The following AKAP7 variants were observed in gnomAD, a reference collection of about 807,000 sequenced individuals.
AKAP7 encodes A-kinase anchoring protein 7.
A neutral mutation model predicts 39.5 loss-of-function variants in AKAP7; 39 were observed. The observed-to-expected ratio is 0.99, with a 90% CI of 0.76 to 1.29. The LOEUF is 1.29. Ranked by LOEUF, AKAP7 falls within the 50% of genes most tolerant of loss-of-function variation. The probability of loss-of-function intolerance (pLI) is 0.00; values close to 1 mark genes in which losing one functional copy is unlikely to be tolerated. For synonymous variants in AKAP7, 140 were observed against 139.1 expected (o/e 1.01, Z -0.05); for missense variants, 414 against 407.7 (o/e 1.02, Z -0.13).
chr6:131,169,008 C>T (rs1175077714), intron 4 of AKAP7, 105 bp from the exon 5 acceptor site: 3 of 1,019,972 alleles, frequency 2.9e-6, no homozygotes, highest in Non-Finnish European at 4.2e-6. Flanking sequence ...ATAATTAGTA[C>T]AAATATCAAA....
At chr6:131,184,165 G>A (rs549411382) in intron 5 of AKAP7, among the ~76,000 whole-genome samples, 21 of 152,338 alleles carry the variant, frequency 1.4e-4, no homozygotes, top group African/African-American at 4.8e-4. Flanking sequence ...GGCCAGAGCT[G>A]CCACATCAGC....
chr6:131,154,468 GTTTTTTT>G (rs58715551), intron 2 of AKAP7, among the ~76,000 whole-genome samples: 3 of 112,542 alleles, frequency 2.7e-5, no homozygotes, highest in Non-Finnish European at 5.4e-5. Flanking sequence ...CCCTGTCCCT[GTTTTTTT>G]TTTTTTTTTT....
At chr6:131,203,181 T>C (rs1807769276) in intron 6 of AKAP7, among the ~76,000 whole-genome samples, 1 of 152,218 alleles carries the variant, frequency 6.6e-6, no homozygotes, top group South Asian at 2.1e-4. Context: ...ATTTCATTTA[T>C]TTACTTTACT....
intron 6 of AKAP7, among the ~76,000 whole-genome samples, chr6:131,201,342 C>T (rs113351177): frequency 0.12 from 18,302 of 152,084 alleles, 1,330 homozygotes; most frequent in Non-Finnish European, 0.15. Context: ...GAGTGGTGAT[C>T]AAAATAGAAA....
chr6:131,185,111 G>A, intron 5 of AKAP7: 1 of 643,822 alleles, frequency 1.6e-6, no homozygotes, highest in South Asian at 1.4e-5. Flanking sequence ...GCTTCCCCAG[G>A]GGGTCAGTGT....
chr6:131,232,683 C>G (rs1810725476), intron 7 of AKAP7, among the ~76,000 whole-genome samples: 2 of 152,046 alleles, frequency 1.3e-5, no homozygotes, highest in Non-Finnish European at 2.9e-5. Context: ...ATCCCAGCTA[C>G]TTGGGAGGCT....
chr6:131,246,430 A>T (rs1243336423), intron 7 of AKAP7, among the ~76,000 whole-genome samples: 1 of 152,202 alleles, frequency 6.6e-6, no homozygotes, highest in Non-Finnish European at 1.5e-5. Flanking sequence ...GTATCATATC[A>T]GATATTTTTC....
At chr6:131,215,998 A>G (rs183842997) in intron 6 of AKAP7, among the ~76,000 whole-genome samples, 48 of 152,352 alleles carry the variant, frequency 3.2e-4, no homozygotes, top group Admixed American at 1.8e-3. Flanking sequence ...CAAGCTTACT[A>G]TCAGTAGGAC....
At chr6:131,166,365 C>G (rs1328877487) in intron 4 of AKAP7, among the ~76,000 whole-genome samples, 2 of 152,112 alleles carry the variant, frequency 1.3e-5, no homozygotes, top group African/African-American at 2.4e-5. Flanking sequence ...GAGTAGTGCT[C>G]TGTGTGTGTT....
intron 6 of AKAP7, among the ~76,000 whole-genome samples, chr6:131,206,949 AT>A (rs1808164621): frequency 6.6e-6 from 1 of 152,108 alleles, no homozygotes; most frequent in African/African-American, 2.4e-5. Flanking sequence ...TCTTAAAGGA[AT>A]CCCTGTAGTA....
chr6:131,267,991 A>G (rs1421291406), intron 7 of AKAP7, among the ~76,000 whole-genome samples: 1 of 152,158 alleles, frequency 6.6e-6, no homozygotes, highest in Non-Finnish European at 1.5e-5. Flanking sequence ...GGGAAAGATG[A>G]AAGCATGGGA....
At chr6:131,229,425 T>G (rs993958605) in intron 7 of AKAP7, among the ~76,000 whole-genome samples, 1 of 152,212 alleles carries the variant, frequency 6.6e-6, no homozygotes, top group African/African-American at 2.4e-5. Context: ...CTTGGCTTAC[T>G]GCAACCTCCG....
At chr6:131,181,626 C>T (rs962814695) in intron 5 of AKAP7, among the ~76,000 whole-genome samples, 2 of 152,120 alleles carry the variant, frequency 1.3e-5, no homozygotes, top group Admixed American at 6.5e-5. Context: ...TTAAGATTCT[C>T]AGCTTCTTGA....
upstream of AKAP7, among the ~76,000 whole-genome samples, chr6:131,135,426 G>T (rs1379678237): frequency 4.0e-5 from 6 of 151,036 alleles, no homozygotes; most frequent in African/African-American, 1.5e-4. Context: ...CGCGCCTCTC[G>T]CCCGAATCCG....
At chr6:131,163,605 A>G (rs1000537377) in intron 3 of AKAP7, among the ~76,000 whole-genome samples, 3 of 152,206 alleles carry the variant, frequency 2.0e-5, no homozygotes, top group Non-Finnish European at 4.4e-5. Context: ...TTTTAAACAC[A>G]TTCTTAGAAG....
At position 131,152,554 on chromosome 6, in the gene AKAP7, G is replaced by A. The variant is rs144095203; in HGVS notation, c.151+7138G>A. On this transcript the variant is annotated intron_variant, in intron 2 of 7. Coordinates refer to ENST00000431975, the MANE Select transcript of AKAP7 (RefSeq NM_016377.4). ...GAGAGAAGAAATATTGGGGCCGGGC[G>A]TGGTGGCTCACGCCTGTAATCTCAG... Among the ~76,000 whole-genome samples, 593 of 152,280 alleles carry A rather than the reference G, an allele frequency of 3.9e-3. 3 individuals carry two copies. Among genetic ancestry groups the A allele is most frequent in the Non-Finnish European group, 6.2e-3 (425 of 68,016 alleles).
chr6:131,276,802 A>T (rs1242048469), intron 7 of AKAP7, among the ~76,000 whole-genome samples: 2 of 152,152 alleles, frequency 1.3e-5, no homozygotes, highest in African/African-American at 4.8e-5. Context: ...CCTTTTCCAA[A>T]AAATTAGCCT....
chr6:131,182,331 G>A (rs1387497196), intron 5 of AKAP7, among the ~76,000 whole-genome samples: 2 of 151,948 alleles, frequency 1.3e-5, no homozygotes, highest in Non-Finnish European at 2.9e-5. Context: ...GGCTTCTGGC[G>A]ACCACCATTC....
At chr6:131,254,451 T>A (rs1812687017) in intron 7 of AKAP7, among the ~76,000 whole-genome samples, 2 of 152,254 alleles carry the variant, frequency 1.3e-5, no homozygotes, top group African/African-American at 4.8e-5. Flanking sequence ...TCTATCTTAT[T>A]AAGCAAACCT....
Sources: allele counts gnomAD v4.1 joint callset (sites outside exome capture counted in the v4.1 genomes callset), GRCh38; gene constraint gnomAD v4.1.1; transcripts MANE v1.5; gene names NCBI Gene and HGNC (gene_info 2026-07-23, HGNC 2026-07-21).